GPT2: variants seen among roughly 807,000 people sequenced by gnomAD.
GPT2 encodes glutamic--pyruvic transaminase 2, also known as alanine aminotransferase 2.
A neutral mutation model predicts 56.9 loss-of-function variants in GPT2; 30 were observed. The ratio of observed to expected loss-of-function variants is 0.53; its 90% CI spans 0.39 to 0.72. GPT2 has a LOEUF of 0.72. Ranked by LOEUF, GPT2 falls within the 30% of genes least tolerant of loss-of-function variation. The probability of loss-of-function intolerance (pLI) is 0.00; values close to 1 mark genes in which losing one functional copy is unlikely to be tolerated. For missense variants in GPT2, 542 were observed against 703.4 expected, an observed-to-expected ratio of 0.77 and a Z score of 2.60; for synonymous variants, 271 against 283.1, an observed-to-expected ratio of 0.96 and a Z score of 0.43.
intron 2 of GPT2, among the ~76,000 whole-genome samples, chr16:46,889,904 G>A (rs1484635194): frequency 6.6e-6 from 1 of 152,122 alleles, no homozygotes; most frequent in Non-Finnish European, 1.5e-5. Flanking sequence ...TGTTCTGTGG[G>A]GCTTGCTCTT....
At chr16:46,892,401 C>T (rs1190314216) in intron 2 of GPT2, among the ~76,000 whole-genome samples, 6 of 152,196 alleles carry the variant, frequency 3.9e-5, no homozygotes, top group Non-Finnish European at 7.3e-5. Flanking sequence ...CAAGGGAGTG[C>T]GGACATCTCT....
chr16:46,884,594 C>T, intron 1 of GPT2, 100 bp from the exon 2 acceptor site: 2 of 1,223,024 alleles, frequency 1.6e-6, no homozygotes, highest in Non-Finnish European at 2.1e-6. Flanking sequence ...GCCAGGCTGG[C>T]ACCGCTCGCT....
At chr16:46,926,824 C>T (rs903179074) in intron 10 of GPT2, 101 bp from the exon 11 acceptor site, 10 of 696,440 alleles carry the variant, frequency 1.4e-5, no homozygotes, top group South Asian at 7.6e-5. Context: ...AGGGCACTGC[C>T]GTGGGAGAGA....
intron 3 of GPT2, among the ~76,000 whole-genome samples, chr16:46,898,799 C>T (rs965303044): frequency 1.1e-4 from 16 of 150,924 alleles, no homozygotes; most frequent in Non-Finnish European, 2.4e-4. Flanking sequence ...ATCCGCCTGC[C>T]TCGGCCTCCC....
rs1961536878 is a variant in GPT2, at chr16:46,931,139, T to C, written c.*2142T>C. 6.6e-6 allele frequency: 1 copy of C among 152,250 alleles called. No individual in the cohort carries two copies. Among genetic ancestry groups the C allele is most frequent in the Admixed American group, 6.5e-5 (1 of 15,270 alleles). The allele number at this position is 152,250 out of a possible 1,614,324, so 9.4% of individuals were successfully genotyped here. A position where few individuals can be genotyped will look rare whatever the true frequency, so the allele number is the denominator to read the frequency against. On this transcript the variant is annotated 3_prime_UTR_variant, in exon 12 of 12. Coordinates refer to ENST00000340124, the MANE Select transcript of GPT2 (RefSeq NM_133443.4). ...ACCCAGAGGCTTGCCTGGCTATTCC[T>C]GTTCTGGTGTGTGTGGAGTGTTGGG...
Position 46,906,902 on chromosome 16 carries a change from C to A in GPT2, c.503C>A (p.Thr168Asn). 1 of 1,614,232 alleles carries A rather than the reference C, an allele frequency of 6.2e-7. No homozygotes were observed. Among genetic ancestry groups the A allele is most frequent in the Non-Finnish European group, 8.5e-7 (1 of 1,180,036 alleles). ...CIREDVAAYI[T>N]RRDGGVPADP... ...CGTGAAGATGTGGCTGCCTACATCACCAGGAGGGATGGCGGTGTGCCTGCG... is the reference window on the plus strand; with the variant it reads ...CGTGAAGATGTGGCTGCCTACATCAACAGGAGGGATGGCGGTGTGCCTGCG... Residue 168 changes from threonine (T) to asparagine (N), a missense_variant, in exon 5 of 12, where the codon ACC becomes AAC. Transcript: ENST00000340124.
intron 2 of GPT2, among the ~76,000 whole-genome samples, chr16:46,888,774 T>A (rs1171561284): frequency 6.6e-6 from 1 of 152,106 alleles, no homozygotes; most frequent in South Asian, 2.1e-4. Context: ...CTCAGTCTCC[T>A]GAGCAGCTTG....
intron 3 of GPT2, among the ~76,000 whole-genome samples, chr16:46,899,127 G>A (rs1273876089): frequency 6.7e-6 from 1 of 148,934 alleles, no homozygotes; most frequent in Non-Finnish European, 1.5e-5. Context: ...CAAACTCCTG[G>A]GCTGAAGCAA....
intron 4 of GPT2, 47 bp from the exon 5 acceptor site, chr16:46,906,795 G>C (rs1472353897): frequency 6.2e-7 from 1 of 1,606,526 alleles, no homozygotes; most frequent in Non-Finnish European, 8.5e-7. Context: ...TGACCCTGTG[G>C]AGCCAGACAT....
At chr16:46,900,626 C>G in intron 3 of GPT2, 56 bp from the exon 4 acceptor site, 1 of 1,397,630 alleles carries the variant, frequency 7.2e-7, no homozygotes, top group East Asian at 2.3e-5. Context: ...CTGTGCTCCT[C>G]CTGGAGCTCT....
intron 2 of GPT2, among the ~76,000 whole-genome samples, chr16:46,894,794 T>G (rs1430982208): frequency 6.6e-6 from 1 of 151,768 alleles, no homozygotes; most frequent in Non-Finnish European, 1.5e-5. Context: ...GCGTCCCGAG[T>G]AGCTGGGACT....
At chr16:46,890,427 C>T (rs767137806) in intron 2 of GPT2, among the ~76,000 whole-genome samples, 17 of 152,162 alleles carry the variant, frequency 1.1e-4, no homozygotes, top group Non-Finnish European at 2.4e-4. Flanking sequence ...TCTTATTCTT[C>T]ACCAGCCTGG....
intron 6 of GPT2, chr16:46,915,868 C>G (rs1221743662): frequency 6.7e-6 from 1 of 148,492 alleles, no homozygotes; most frequent in Non-Finnish European, 1.5e-5. Flanking sequence ...ACACATACAC[C>G]CCACACCACA....
chr16:46,910,080 C>T (rs533390235), intron 6 of GPT2, among the ~76,000 whole-genome samples, 153 bp downstream of exon 6: 1 of 152,248 alleles, frequency 6.6e-6, no homozygotes, highest in South Asian at 2.1e-4. Context: ...TTGCCACAGG[C>T]CACCTCAAGA....
At chr16:46,897,880 G>T (rs1382776756) in intron 3 of GPT2, 143 bp downstream of exon 3, 6 of 678,442 alleles carry the variant, frequency 8.8e-6, no homozygotes, top group Non-Finnish European at 1.5e-5. Flanking sequence ...CCTCCTTCCT[G>T]CCTTTCTGAG....
intron 2 of GPT2, among the ~76,000 whole-genome samples, chr16:46,892,128 CT>C (rs1214023949): frequency 6.6e-6 from 1 of 152,152 alleles, no homozygotes; most frequent in African/African-American, 2.4e-5. Flanking sequence ...ATTAGTTCAA[CT>C]TTTTTAGACT....
At chr16:46,916,484 T>C (rs1596628978) in intron 6 of GPT2, 144 bp from the exon 7 acceptor site, 1 of 696,632 alleles carries the variant, frequency 1.4e-6, no homozygotes, top group South Asian at 1.6e-5. Context: ...GCATGGCAGC[T>C]GGGGAGGGGG....
At chr16:46,905,745 G>T (rs890966449) in intron 4 of GPT2, among the ~76,000 whole-genome samples, 4 of 152,058 alleles carry the variant, frequency 2.6e-5, no homozygotes, top group Non-Finnish European at 5.9e-5. Context: ...CGTACAGCTG[G>T]AATACCTTTC....
chr16:46,924,179 C>T (rs964645232), intron 9 of GPT2: 2 of 641,490 alleles, frequency 3.1e-6, no homozygotes, highest in South Asian at 1.6e-5. Context: ...GAACAGACCA[C>T]CCCACCCACT....
Sources: gnomAD v4.1 joint callset for allele counts (sites outside exome capture counted in the v4.1 genomes callset) on GRCh38, gnomAD v4.1.1 for gene constraint, MANE v1.5 for transcripts, NCBI Gene and HGNC (gene_info 2026-07-23, HGNC 2026-07-21) for gene names.